SNX11: variants seen among roughly 807,000 people sequenced by gnomAD.
SNX11 encodes the protein sorting nexin-11.
SNX11 carries 19 observed loss-of-function variants against 30.7 expected under a neutral mutation model. The observed-to-expected ratio is 0.62, with a 90% confidence interval of 0.43 to 0.91. The LOEUF (loss-of-function observed/expected upper bound fraction) is 0.91, where lower values mean the gene tolerates loss of function less well. SNX11 is among the 40% of genes least tolerant of loss of function. SNX11 has a pLI of 0.00. For missense variants in SNX11, 302 were observed against 326.7 expected (o/e 0.92, Z 0.58); for synonymous variants, 112 against 119.0 (o/e 0.94, Z 0.38).
At position 48,113,294 on chromosome 17, in the gene SNX11, T is replaced by G. The variant is rs376166068; in HGVS notation, c.130-7T>G. On this transcript the variant is annotated splice_region_variant and splice_polypyrimidine_tract_variant and intron_variant, in intron 3 of 6. Transcript: ENST00000359238. The stretch of plus-strand genomic sequence containing the variant: ...TTTTCATGTACTTCATGTGCTTTCA[T>G]GTATAGACCAACAGCAAAGCCTTTA... 1 of 1,611,106 alleles carries G rather than the reference T, an allele frequency of 6.2e-7. No homozygotes were observed. The highest frequency in any genetic ancestry group is 8.5e-7 in the Non-Finnish European group (1 of 1,177,536).
chr17:48,112,538 T>C (rs199560203), intron 2 of SNX11, 36 bp from the exon 3 acceptor site: 3 of 1,433,516 alleles, frequency 2.1e-6, no homozygotes, highest in East Asian at 2.3e-5. Context: ...TGCCTTGCTG[T>C]GTAGCTGAAG....
In SNX11 at chr17:48,121,727, C is replaced by T; in HGVS notation, c.*219C>T. 4 of 562,054 alleles carry T rather than the reference C, an allele frequency of 7.1e-6. No individual in the cohort carries two copies. The highest frequency in any genetic ancestry group is 2.9e-5 in the East Asian group (1 of 34,378). The allele number at this position is 562,054 out of a possible 1,614,324, so 34.8% of individuals were successfully genotyped here. On this transcript the variant is annotated 3_prime_UTR_variant, in exon 7 of 7. Transcript: ENST00000359238. ...ATGTTTGTAAGTTAAACATAAGACA[C>T]AGGGGCTGTTGCTTTTGAACAGAAC...
intron 3 of SNX11, 53 bp downstream of exon 3, chr17:48,112,713 C>T: frequency 2.8e-6 from 3 of 1,074,736 alleles, no homozygotes; most frequent in Non-Finnish European, 4.2e-6. Context: ...GGCTGAGGGG[C>T]TTGTACTGAG....
chr17:48,113,306 C>G lies in SNX11; in HGVS notation c.135C>G (p.Asn45Lys). 4 of 1,613,064 alleles carry G rather than the reference C, an allele frequency of 2.5e-6. No individual in the cohort carries two copies. Among genetic ancestry groups the G allele is most frequent in the Non-Finnish European group, 3.4e-6 (4 of 1,179,290 alleles). Residue 45 changes from asparagine (N) to lysine (K), a missense_variant, in exon 4 of 7, where the codon AAC becomes AAG. Coordinates refer to ENST00000359238, the MANE Select transcript of SNX11 (RefSeq NM_013323.3). Reference protein sequence around the residue: ...YVDYKIFLHTNSKAFTAKTSC... With the variant: ...YVDYKIFLHTKSKAFTAKTSC... ...TCATGTGCTTTCATGTATAGACCAA[C>G]AGCAAAGCCTTTACTGCCAAGACTT...
At chr17:48,111,935 G>C in intron 1 of SNX11, 96 bp from the exon 2 acceptor site, 1 of 932,180 alleles carries the variant, frequency 1.1e-6, no homozygotes, top group Non-Finnish European at 1.7e-6. Context: ...GTTTCCCCAC[G>C]GGGGTCTATT....
chr17:48,121,865 C>T lies in SNX11; in HGVS notation c.*357C>T, dbSNP rs1404980466. On this transcript the variant is annotated 3_prime_UTR_variant, in exon 7 of 7. Transcript: ENST00000359238. ...CCCGTATGTGGCAAATTCTAAGCTG[C>T]CATATTGAACATCATCCCACTGGGA... 4.7e-6 allele frequency: 1 copy of T among 214,344 alleles called. No individual in the cohort carries two copies. The highest frequency in any genetic ancestry group is 1.2e-4 in the East Asian group (1 of 8,590). 13.3% of individuals were successfully genotyped at this position (214,344 alleles called of 1,614,324 possible). A position where few individuals can be genotyped will look rare whatever the true frequency, so the allele number is the denominator to read the frequency against.
At chr17:48,118,349 G>C (rs1048736151) in intron 4 of SNX11, among the ~76,000 whole-genome samples, 8 of 152,130 alleles carry the variant, frequency 5.3e-5, no homozygotes, top group Non-Finnish European at 8.8e-5. Context: ...GGGAGGCCGA[G>C]GCAGGCAGGG....
At chr17:48,108,571 G>C (rs1024978162) in intron 1 of SNX11, among the ~76,000 whole-genome samples, 18 of 152,192 alleles carry the variant, frequency 1.2e-4, no homozygotes, top group Admixed American at 1.0e-3. Context: ...TACTATATTA[G>C]AAAGCTTTAC....
chr17:48,121,300 A>G lies in SNX11; in HGVS notation c.605A>G (p.Asp202Gly). The G allele has an allele frequency of 6.2e-7, 1 of 1,614,094 alleles. No individual in the cohort carries two copies. The highest frequency in any genetic ancestry group is 2.2e-5 in the East Asian group (1 of 44,878). The change falls in exon 7 of 7, where the codon GAC becomes GGC. Residue 202 changes from aspartate to glycine, a missense_variant. By Grantham distance (94) the Asp-to-Gly change is moderately conservative (BLOSUM62 -1). Transcript: ENST00000359238. ...SPSPPPSEEK[D>G]HLEVWAPVVD... Reference sequence around the variant, plus strand: ...TCACCGCCTCCCAGTGAAGAAAAGGACCATTTAGAAGTGTGGGCTCCAGTT... The same window carrying G: ...TCACCGCCTCCCAGTGAAGAAAAGGGCCATTTAGAAGTGTGGGCTCCAGTT...
chr17:48,120,698 G>C (rs976194176), intron 6 of SNX11, among the ~76,000 whole-genome samples: 2 of 151,234 alleles, frequency 1.3e-5, no homozygotes, highest in Non-Finnish European at 2.9e-5. Context: ...TTTTAGTAGA[G>C]ACGGGGTTTC....
intron 6 of SNX11, among the ~76,000 whole-genome samples, chr17:48,119,521 G>A (rs1451663808): frequency 1.3e-5 from 2 of 152,056 alleles, no homozygotes; most frequent in African/African-American, 2.4e-5. Context: ...GCGTGATCTC[G>A]GCTCACTGCA....
intron 4 of SNX11, 166 bp downstream of exon 4, chr17:48,113,567 G>GCCA: frequency 2.2e-6 from 1 of 445,666 alleles, no homozygotes. Context: ...TTTTTTTGAT[G>GCCA]TAGGGTCTTG....
At chr17:48,118,627 A>T in intron 4 of SNX11, 77 bp from the exon 5 acceptor site, 1 of 1,028,212 alleles carries the variant, frequency 9.7e-7, no homozygotes, top group Non-Finnish European at 1.5e-6. Flanking sequence ...TTTTTAAGGG[A>T]TTTCCTTGAT....
In SNX11 at chr17:48,123,272, C is replaced by T. The variant is rs2063616214; in HGVS notation, c.*1764C>T. Among the ~76,000 whole-genome samples the T allele has an allele frequency of 6.6e-6, 1 of 152,196 alleles. No individual in the cohort carries two copies. The highest frequency in any genetic ancestry group is 2.1e-4 in the South Asian group (1 of 4,824). On this transcript the variant is annotated 3_prime_UTR_variant, in exon 7 of 7. Coordinates refer to ENST00000359238, the MANE Select transcript of SNX11 (RefSeq NM_013323.3). The stretch of plus-strand genomic sequence containing the variant: ...ACAGATGCTAAGCTAATGGCATCCG[C>T]TCTGCCGATTGGTGGGGATGGCTCA...
chr17:48,110,560 CA>C (rs1315164646), intron 1 of SNX11: 2 of 152,568 alleles, frequency 1.3e-5, no homozygotes, highest in Non-Finnish European at 2.9e-5. Flanking sequence ...ACTCATTACA[CA>C]GTGTTCTAAT....
chr17:48,120,201 G>GTTTTTTTTTT (rs61680588), intron 6 of SNX11, among the ~76,000 whole-genome samples: 9 of 74,220 alleles, frequency 1.2e-4, no homozygotes, highest in Admixed American at 1.9e-4. Flanking sequence ...GCATTTATCT[G>GTTTTTTTTTT]TTTTTTTTTT....
In SNX11 at chr17:48,121,265, G is replaced by A; in HGVS notation, c.570G>A (p.Arg190=). The A allele has an allele frequency of 6.2e-7, 1 of 1,614,094 alleles. No individual in the cohort carries two copies. The highest frequency in any genetic ancestry group is 8.5e-7 in the Non-Finnish European group (1 of 1,180,004). ...SCCFLPRSGR[R]SSPSPPPSEE... The stretch of plus-strand genomic sequence containing the variant: ...GCTTTCTTCCAAGATCGGGTAGGAG[G>A]AGCTCTCCCTCACCGCCTCCCAGTG... Residue 190 remains arginine, a synonymous_variant, in exon 7 of 7, where the codon AGG becomes AGA. Coordinates refer to ENST00000359238, the MANE Select transcript of SNX11 (RefSeq NM_013323.3).
rs757629994 is a variant in SNX11 at position 48,112,286 on chromosome 17, T to C, written c.42+201T>C. 46 of 661,056 alleles carry C rather than the reference T, an allele frequency of 7.0e-5. 1 individual carries two copies. The highest frequency in any genetic ancestry group is 1.9e-5 in the Non-Finnish European group (7 of 369,466). 40.9% of individuals were successfully genotyped at this position (661,056 alleles called of 1,614,324 possible). ...ATTGGGGTTCCATTCTGACTAAATT[T>C]TCCTTTGATTGGAATATACTGGAAT... is the stretch of plus-strand genomic sequence containing the variant. On this transcript the variant is annotated intron_variant, in intron 2 of 6. Transcript: ENST00000359238.
intron 1 of SNX11, chr17:48,111,159 T>G: frequency 3.0e-6 from 3 of 983,966 alleles, no homozygotes; most frequent in Non-Finnish European, 3.6e-6. Context: ...GGTTCCAGAG[T>G]ATGGATTGGA....
Sources: allele counts gnomAD v4.1 joint callset (sites outside exome capture counted in the v4.1 genomes callset), GRCh38; gene constraint gnomAD v4.1.1; transcripts MANE v1.5; gene names NCBI Gene and HGNC (gene_info 2026-07-23, HGNC 2026-07-21).